Variants in ZBTB46 observed in about 807,000 individuals in gnomAD.
ZBTB46 encodes the protein zinc finger and BTB domain containing 46.
Under a neutral mutation model 44.1 loss-of-function variants are expected in ZBTB46, and 8 were observed. The ratio of observed to expected loss-of-function variants is 0.18; its 90% confidence interval spans 0.11 to 0.33. The LOEUF (loss-of-function observed/expected upper bound fraction) is 0.33, where lower values mean the gene tolerates loss of function less well. Among genes scored for constraint, ZBTB46 ranks in the 10% least tolerant of loss-of-function variants. ZBTB46 has a pLI of 1.00. For missense variants in ZBTB46, 651 were observed against 847.7 expected (o/e 0.77, Z 2.88); for synonymous variants, 409 against 382.3 (o/e 1.07, Z -0.81).
intron 1 of ZBTB46, among the ~76,000 whole-genome samples, chr20:63,797,202 TC>T (rs2092610649): frequency 7.7e-6 from 1 of 129,122 alleles, no homozygotes; most frequent in Admixed American, 9.6e-5. Context: ...CCACCCTGTG[TC>T]CAAGTGTTCT....
chr20:63,790,443 C>T lies in ZBTB46; in HGVS notation c.315G>A (p.Val105=), dbSNP rs1469579534. ...LALTSRNVIE[V]MSAASFLQMT... is the part of the protein sequence containing the mutation. ...TCTGCAGGAAGCTGGCGGCTGACAT[C>T]ACCTCGATGACGTTCCTGCTGGTGA... The change falls in exon 2 of 5, where the codon GTG becomes GTA. Residue 105 remains valine (V), a synonymous_variant. Coordinates refer to ENST00000245663, the MANE Select transcript of ZBTB46 (RefSeq NM_001369741.1). 5 of 1,613,118 alleles carry T rather than the reference C, an allele frequency of 3.1e-6. No homozygotes were observed. In the African/African-American group the frequency reaches 5.3e-5, roughly 17 times the overall value.
chr20:63,804,977 G>A (rs1223045518), intron 1 of ZBTB46, among the ~76,000 whole-genome samples: 1 of 148,628 alleles, frequency 6.7e-6, no homozygotes, highest in African/African-American at 2.5e-5. Context: ...TTGGAGTGCA[G>A]TGACACGATC....
At chr20:63,822,673 C>A (rs949952960) in intron 1 of ZBTB46, among the ~76,000 whole-genome samples, 2 of 152,076 alleles carry the variant, frequency 1.3e-5, no homozygotes, top group Non-Finnish European at 2.9e-5. Flanking sequence ...ACGGCCAACC[C>A]GGCAAGCACG....
At chr20:63,769,635 T>C (rs192940618) in intron 3 of ZBTB46, among the ~76,000 whole-genome samples, 1 of 152,186 alleles carries the variant, frequency 6.6e-6, no homozygotes, top group African/African-American at 2.4e-5. Context: ...ACAGAGGGTT[T>C]TGGTGGAGGA....
At chr20:63,753,653 C>T (rs939293477) in intron 3 of ZBTB46, among the ~76,000 whole-genome samples, 4 of 152,256 alleles carry the variant, frequency 2.6e-5, no homozygotes, top group African/African-American at 4.8e-5. Context: ...GCCCGGTGCA[C>T]GCATGTGCCG....
At position 63,790,316 on chromosome 20, in the gene ZBTB46, C is replaced by T. The variant is rs749629924; in HGVS notation, c.442G>A (p.Ala148Thr). ...GCTTCCGTGCTGCTGCTGGACGAGG[C>T]GCCGATCTCGAACTCCGCAAGCTCA... ...SDELAEFEIGASSSSSTEALI... is the reference protein window; with the variant it reads ...SDELAEFEIGTSSSSSTEALI... The change falls in exon 2 of 5, where the codon GCC becomes ACC. Residue 148 changes from alanine (A) to threonine (T), a missense_variant. This residue lies in a region of ZBTB46 where 385 missense variants were observed against 423.3 expected (regional missense o/e 0.91). Coordinates refer to ENST00000245663, the MANE Select transcript of ZBTB46 (RefSeq NM_001369741.1). The T allele has an allele frequency of 8.7e-6, 14 of 1,612,862 alleles. No individual in the cohort carries two copies. Among genetic ancestry groups the T allele is most frequent in the South Asian group, 3.3e-5 (3 of 91,054 alleles).
chr20:63,815,141 C>T lies in ZBTB46; in HGVS notation c.-34+15956G>A, dbSNP rs182670760. ...CAGCTGCTGAGAAGACACAAAAGGCCGAGAGCCCAAGTCTGAGCTGAAGGC... is the reference window on the plus strand; with the variant it reads ...CAGCTGCTGAGAAGACACAAAAGGCTGAGAGCCCAAGTCTGAGCTGAAGGC... On this transcript the variant is annotated intron_variant, in intron 1 of 4. Coordinates refer to ENST00000245663, the MANE Select transcript of ZBTB46 (RefSeq NM_001369741.1). 4.6e-4 allele frequency: 100 copies of T among 218,158 alleles called. 1 individual carries two copies. The East Asian group carries it at 0.011, about 25-fold the overall frequency. The allele number at this position is 218,158 out of a possible 1,614,324, so 13.5% of individuals were successfully genotyped here. A position where few individuals can be genotyped will look rare whatever the true frequency, so the allele number is the denominator to read the frequency against.
At chr20:63,757,420 G>T (rs2092230519) in intron 3 of ZBTB46, among the ~76,000 whole-genome samples, 1 of 152,086 alleles carries the variant, frequency 6.6e-6, no homozygotes, top group Non-Finnish European at 1.5e-5. Context: ...ATCGCGCCTG[G>T]CCACGATTCA....
rs548719649 is a variant in ZBTB46 at position 63,796,757 on chromosome 20, G to A, written c.-33-5967C>T. Reference sequence around the variant, plus strand: ...GGAGAATCACTTGAACCTGCGAGGCGGAGGTTGCAGTGAGCCGAGATCATA... The same window carrying A: ...GGAGAATCACTTGAACCTGCGAGGCAGAGGTTGCAGTGAGCCGAGATCATA... On this transcript the variant is annotated intron_variant, in intron 1 of 4. Transcript: ENST00000245663. Among the ~76,000 whole-genome samples, 14 of 152,134 alleles carry A rather than the reference G, an allele frequency of 9.2e-5. No homozygotes were observed. The East Asian group carries it at 2.5e-3, about 27-fold the overall frequency.
At chr20:63,778,457 A>C (rs2092442465) in intron 2 of ZBTB46, among the ~76,000 whole-genome samples, 1 of 152,184 alleles carries the variant, frequency 6.6e-6, no homozygotes, top group Admixed American at 6.5e-5. Context: ...CCACAGAAAC[A>C]CAGGGGCATG....
chr20:63,763,928 T>C (rs368108069), intron 3 of ZBTB46, among the ~76,000 whole-genome samples: 1 of 152,306 alleles, frequency 6.6e-6, no homozygotes, highest in East Asian at 1.9e-4. Flanking sequence ...TTATTTTCTA[T>C]TACTCACACA....
rs1003478610 is a variant in ZBTB46, at chr20:63,767,296, A to G, written c.1222+8382T>C. ...CCCTGAAAGCCCCCCGTCCCCACAC[A>G]TTGGCAATCCCGTAGGATCTCGGTC... On this transcript the variant is annotated intron_variant, in intron 3 of 4. Coordinates refer to ENST00000245663, the MANE Select transcript of ZBTB46 (RefSeq NM_001369741.1). This position sits in a 1 kb window ranked among gnomAD's most constrained non-coding sequence, Gnocchi z 5.0. 1.3e-5 allele frequency among the ~76,000 whole-genome samples: 2 copies of G among 151,216 alleles called. No homozygotes were observed. The highest frequency in any genetic ancestry group is 3.0e-5 in the Non-Finnish European group (2 of 67,748).
chr20:63,832,571 G>A (rs1057445692), upstream of ZBTB46, among the ~76,000 whole-genome samples: 1 of 152,208 alleles, frequency 6.6e-6, no homozygotes, highest in Non-Finnish European at 1.5e-5. The surrounding 1 kb of genome is among the most constrained non-coding windows in gnomAD (Gnocchi z 5.0). Context: ...AAGGCGAAGC[G>A]AGGTGTGGCT....
In ZBTB46 at chr20:63,803,714, CT is replaced by C. The variant is rs1404122427; in HGVS notation, c.-33-12925del. On this transcript the variant is annotated intron_variant, in intron 1 of 4. Coordinates refer to ENST00000245663, the MANE Select transcript of ZBTB46 (RefSeq NM_001369741.1). The surrounding 1 kb of genome is among the most constrained non-coding windows in gnomAD (Gnocchi z 4.0). The stretch of plus-strand genomic sequence containing the variant: ...CGAACCTGGCTACCGTCACTTCCTT[CT>C]TTTTGTTTTTGTAATGGGGTCTCAC... Among the ~76,000 whole-genome samples the C allele has an allele frequency of 4.6e-5, 7 of 151,968 alleles. No individual in the cohort carries two copies.
intron 2 of ZBTB46, among the ~76,000 whole-genome samples, chr20:63,777,855 C>T (rs982417025): frequency 5.9e-5 from 9 of 152,144 alleles, no homozygotes; most frequent in African/African-American, 2.2e-4. Context: ...ACAGAGGAGC[C>T]GTGAAAACAT....
rs931085966 is a variant in ZBTB46, at chr20:63,825,439, T to G, written c.-34+5658A>C. 2.4e-4 allele frequency among the ~76,000 whole-genome samples: 23 copies of G among 94,970 alleles called. 1 individual carries two copies. The Admixed American group carries it at 2.5e-3, about 10-fold the overall frequency. 62.3% of individuals were successfully genotyped at this position (94,970 alleles called of 152,430 possible). ...AAAACCCTCCCTCCCGCCCACCATC[T>G]CACTACCATCAAACCCCTCCCTCCC... On this transcript the variant is annotated intron_variant, in intron 1 of 4. Coordinates refer to ENST00000245663, the MANE Select transcript of ZBTB46 (RefSeq NM_001369741.1).
chr20:63,802,818 C>T (rs1187344662), intron 1 of ZBTB46, among the ~76,000 whole-genome samples: 2 of 147,404 alleles, frequency 1.4e-5, no homozygotes, highest in African/African-American at 5.0e-5. Flanking sequence ...AGGCCCCCAG[C>T]ACCCTCCCAG....
chr20:63,813,899 G>A (rs190855386), intron 1 of ZBTB46, among the ~76,000 whole-genome samples: 35 of 152,296 alleles, frequency 2.3e-4, no homozygotes, highest in East Asian at 1.9e-4. Flanking sequence ...ACGAAGCACC[G>A]AGGGTAAAAC....
intron 3 of ZBTB46, among the ~76,000 whole-genome samples, chr20:63,765,393 C>T (rs895951004): frequency 2.0e-5 from 3 of 152,218 alleles, no homozygotes; most frequent in Admixed American, 2.0e-4. Context: ...CGTTGTCCCA[C>T]CTGCACTGGC....
Sources: allele counts gnomAD v4.1 joint callset (sites outside exome capture counted in the v4.1 genomes callset), GRCh38; gene constraint gnomAD v4.1.1; regional missense constraint gnomAD v4.1.1; non-coding constraint Gnocchi (gnomAD v3.1); transcripts MANE v1.5; gene names NCBI Gene and HGNC (gene_info 2026-07-23, HGNC 2026-07-21).